ARHGEF26: variants seen among roughly 807,000 people sequenced by gnomAD.
The protein encoded by ARHGEF26 is Rho guanine nucleotide exchange factor (GEF) 26.
A neutral mutation model predicts 89.4 loss-of-function variants in ARHGEF26; 59 were observed. The ratio of observed to expected loss-of-function variants is 0.66; its 90% confidence interval spans 0.54 to 0.82. The LOEUF (loss-of-function observed/expected upper bound fraction) is 0.82, where lower values mean the gene tolerates loss of function less well. Ranked by LOEUF, ARHGEF26 falls within the 40% of genes least tolerant of loss-of-function variation. ARHGEF26 has a pLI of 0.00. For synonymous variants in ARHGEF26, 500 were observed against 428.4 expected (o/e 1.17, Z -2.06); for missense variants, 1,234 against 1,085.6 (o/e 1.14, Z -1.92).
intron 8 of ARHGEF26, 131 bp from the exon 9 acceptor site, chr3:154,194,513 T>C: frequency 1.6e-6 from 1 of 628,882 alleles, no homozygotes; most frequent in Non-Finnish European, 2.8e-6. Flanking sequence ...GTTTTAATAT[T>C]ATCCTCATAC....
intron 12 of ARHGEF26, among the ~76,000 whole-genome samples, chr3:154,242,372 C>T (rs980243375): frequency 2.6e-5 from 4 of 152,146 alleles, no homozygotes; most frequent in Non-Finnish European, 5.9e-5. Context: ...TTCCAACTCT[C>T]ATGGATGACT....
intron 4 of ARHGEF26, among the ~76,000 whole-genome samples, chr3:154,141,184 C>T (rs1027716177): frequency 7.2e-5 from 11 of 151,944 alleles, no homozygotes; most frequent in South Asian, 2.1e-4. Flanking sequence ...CCAGGATGGT[C>T]TCTATCTCCT....
chr3:154,168,025 A>G (rs1445348801), intron 6 of ARHGEF26, among the ~76,000 whole-genome samples: 3 of 152,124 alleles, frequency 2.0e-5, no homozygotes, highest in African/African-American at 7.2e-5. Context: ...CTGTTAATTT[A>G]TTTATCTTAG....
intron 4 of ARHGEF26, among the ~76,000 whole-genome samples, chr3:154,136,596 G>C (rs1301207082): frequency 6.6e-6 from 1 of 152,200 alleles, no homozygotes; most frequent in Non-Finnish European, 1.5e-5. Flanking sequence ...AATTTACTCT[G>C]TGCTTATTGT....
intron 2 of ARHGEF26, 131 bp downstream of exon 2, chr3:154,123,206 C>A (rs12494802): frequency 7.4e-7 from 1 of 1,349,238 alleles, no homozygotes; most frequent in Non-Finnish European, 1.0e-6. Flanking sequence ...CTCTTGATTG[C>A]TAGTGTACAT....
intron 14 of ARHGEF26, among the ~76,000 whole-genome samples, chr3:154,255,092 C>G (rs755043604): frequency 6.6e-5 from 10 of 152,120 alleles, no homozygotes; most frequent in African/African-American, 1.4e-4. Context: ...CAAAGCATCT[C>G]CTTTCCCAGC....
At chr3:154,138,230 G>C (rs962899261) in intron 4 of ARHGEF26, among the ~76,000 whole-genome samples, 5 of 122,232 alleles carry the variant, frequency 4.1e-5, no homozygotes, top group African/African-American at 1.6e-4. Context: ...ATGCACACAT[G>C]TATACATGTA....
chr3:154,131,987 A>G (rs762751863), intron 4 of ARHGEF26, among the ~76,000 whole-genome samples: 3 of 152,214 alleles, frequency 2.0e-5, no homozygotes, highest in Non-Finnish European at 4.4e-5. Flanking sequence ...ATGTAAAACT[A>G]TAAAGTGATT....
At chr3:154,132,932 C>T (rs1455062477) in intron 4 of ARHGEF26, among the ~76,000 whole-genome samples, 1 of 152,104 alleles carries the variant, frequency 6.6e-6, no homozygotes, top group South Asian at 2.1e-4. Flanking sequence ...AAGGGGTTTT[C>T]TGGCAGTGGG....
intron 5 of ARHGEF26, 57 bp downstream of exon 5, chr3:154,149,502 CTT>C (rs1328330354): frequency 3.4e-6 from 5 of 1,463,952 alleles, no homozygotes; most frequent in Middle Eastern, 3.5e-4. Context: ...TCGGTGTCTG[CTT>C]TTTTGTGTTT....
intron 4 of ARHGEF26, among the ~76,000 whole-genome samples, chr3:154,139,629 T>G (rs749116276): frequency 6.6e-6 from 1 of 152,182 alleles, no homozygotes; most frequent in African/African-American, 2.4e-5. Flanking sequence ...AGTCCAAAGA[T>G]AGGGCTATTT....
chr3:154,185,227 C>T (rs546825510), intron 6 of ARHGEF26, among the ~76,000 whole-genome samples: 33 of 152,188 alleles, frequency 2.2e-4, no homozygotes, highest in Non-Finnish European at 2.2e-4. Context: ...CCTACAGTTC[C>T]GGTCCTACAA....
intron 6 of ARHGEF26, among the ~76,000 whole-genome samples, chr3:154,170,962 T>A (rs1386218644): frequency 1.3e-5 from 2 of 152,214 alleles, no homozygotes; most frequent in African/African-American, 4.8e-5. Flanking sequence ...TTTTTCTTCT[T>A]CAAGAAGTAA....
Position 154,256,231 on chromosome 3 carries a change from C to G in ARHGEF26, c.*758C>G, listed in dbSNP as rs112818315. On this transcript the variant is annotated 3_prime_UTR_variant, in exon 15 of 15. Coordinates refer to ENST00000465093, the MANE Select transcript of ARHGEF26 (RefSeq NM_015595.4). ...ATGTGAGAAAAACCTGAATATAGGA[C>G]AGGGGTCCTACTTTTTTCCCCACCT... 356 of 985,520 alleles carry G rather than the reference C, an allele frequency of 3.6e-4. 4 individuals are homozygous for G. The African/African-American group carries it at 5.8e-3, about 16-fold the overall frequency. 61.0% of individuals were successfully genotyped at this position (985,520 alleles called of 1,614,324 possible).
intron 12 of ARHGEF26, among the ~76,000 whole-genome samples, chr3:154,244,338 T>C (rs1576824492): frequency 1.3e-5 from 2 of 152,154 alleles, no homozygotes; most frequent in Admixed American, 1.3e-4. Context: ...GGAAGAAAAA[T>C]CAATGGCTTT....
intron 9 of ARHGEF26, among the ~76,000 whole-genome samples, chr3:154,200,170 T>C (rs1714540409): frequency 6.6e-6 from 1 of 152,192 alleles, no homozygotes; most frequent in Admixed American, 6.5e-5. Context: ...CAATATTTTC[T>C]TGTAGTACTT....
At chr3:154,199,641 CTG>C (rs1714506503) in intron 9 of ARHGEF26, among the ~76,000 whole-genome samples, 2 of 152,170 alleles carry the variant, frequency 1.3e-5, no homozygotes, top group Non-Finnish European at 2.9e-5. Context: ...AACCTCCAAA[CTG>C]TTCTCCATAG....
chr3:154,183,949 A>G (rs1421439878), intron 6 of ARHGEF26, among the ~76,000 whole-genome samples: 1 of 148,886 alleles, frequency 6.7e-6, no homozygotes, highest in Non-Finnish European at 1.5e-5. Context: ...TAACGGCCTT[A>G]TGGTTTCTTC....
At chr3:154,158,161 T>G (rs1482079006) in intron 6 of ARHGEF26, among the ~76,000 whole-genome samples, 2 of 152,124 alleles carry the variant, frequency 1.3e-5, no homozygotes, top group African/African-American at 2.4e-5. Flanking sequence ...ACTGAAGCCC[T>G]TTTTGAGATG....
Sources: gnomAD v4.1 joint callset for allele counts (sites outside exome capture counted in the v4.1 genomes callset) on GRCh38, gnomAD v4.1.1 for gene constraint, MANE v1.5 for transcripts, NCBI Gene and HGNC (gene_info 2026-07-23, HGNC 2026-07-21) for gene names.